GALNT13: variants seen among roughly 807,000 people sequenced by gnomAD.
GALNT13 encodes the protein UDP-GalNAc:polypeptide N-acetylgalactosaminyltransferase 13.
In GALNT13, 28 loss-of-function variants were observed where a neutral mutation model predicts 64.2. The ratio of observed to expected loss-of-function variants is 0.44; its 90% confidence interval spans 0.32 to 0.60. The LOEUF (loss-of-function observed/expected upper bound fraction) is 0.60, where lower values mean the gene tolerates loss of function less well. Among genes scored for constraint, GALNT13 ranks in the 20% least tolerant of loss-of-function variants. The pLI, the probability that GALNT13 is intolerant of heterozygous loss-of-function variation, is 0.05. For missense variants in GALNT13, 577 were observed against 669.8 expected (o/e 0.86, Z 1.53); for synonymous variants, 214 against 224.6 (o/e 0.95, Z 0.42).
At chr2:154,303,725 A>G (rs1336088407) in intron 9 of GALNT13, among the ~76,000 whole-genome samples, 1 of 152,032 alleles carries the variant, frequency 6.6e-6, no homozygotes, top group Non-Finnish European at 1.5e-5. Flanking sequence ...ACAAGAGAGG[A>G]AAAGGTCCAA....
At chr2:154,147,834 T>C (rs138745144) in intron 4 of GALNT13, among the ~76,000 whole-genome samples, 5 of 152,006 alleles carry the variant, frequency 3.3e-5, no homozygotes, top group Admixed American at 6.6e-5. Context: ...AAAGGGTTTT[T>C]AAAATATTAT....
the GALNT13 span, among the ~76,000 whole-genome samples, chr2:153,133,035 A>ATT: frequency 1.8e-3 from 236 of 129,372 alleles, no homozygotes; most frequent in African/African-American, 6.3e-3. Flanking sequence ...AACTGTGTTA[A>ATT]TTTTTTTTTT....
the GALNT13 span, among the ~76,000 whole-genome samples, chr2:153,862,974 T>C: frequency 2.6e-5 from 4 of 152,122 alleles, no homozygotes; most frequent in East Asian, 3.9e-4. Flanking sequence ...TCATTCTTTT[T>C]TCATTTAATG....
chr2:154,170,573 A>T (rs1239093381), intron 4 of GALNT13, among the ~76,000 whole-genome samples: 1 of 152,158 alleles, frequency 6.6e-6, no homozygotes, highest in Non-Finnish European at 1.5e-5. Context: ...TCCTAATATG[A>T]TTGCTTCTAC....
intron 12 of GALNT13, chr2:154,445,818 C>T (rs754183686): frequency 7.8e-7 from 1 of 1,288,366 alleles, no homozygotes; most frequent in South Asian, 1.2e-5. Flanking sequence ...TTAGTGTCTC[C>T]CAAGGGCAGG....
chr2:153,376,735 A>T, the GALNT13 span, among the ~76,000 whole-genome samples: 9 of 152,202 alleles, frequency 5.9e-5, no homozygotes. Flanking sequence ...AGCCTATGGA[A>T]TACATGCATA....
chr2:154,142,774 C>T lies in GALNT13; in HGVS notation c.311+2269C>T, dbSNP rs935869052. 4.0e-5 allele frequency among the ~76,000 whole-genome samples: 6 copies of T among 151,214 alleles called. No individual in the cohort carries two copies. The East Asian group carries it at 9.7e-4, about 25-fold the overall frequency. On this transcript the variant is annotated intron_variant, in intron 4 of 12. Transcript: ENST00000392825. ...TTCAACATTTAATATTAAATTTGTG[C>T]ATTGCAAATTATTATGTAAAAATAA...
chr2:153,645,169 A>C, the GALNT13 span, among the ~76,000 whole-genome samples: 1 of 152,140 alleles, frequency 6.6e-6, no homozygotes, highest in African/African-American at 2.4e-5. Context: ...AATATGAAGA[A>C]AAATACGCGC....
At chr2:153,497,513 T>TTC in the GALNT13 span, among the ~76,000 whole-genome samples, 1 of 140,200 alleles carries the variant, frequency 7.1e-6, no homozygotes, top group Admixed American at 7.7e-5. Context: ...TTCTTTACGT[T>TTC]TCTCCCGCAT....
chr2:153,149,365 T>C, the GALNT13 span, among the ~76,000 whole-genome samples: 1 of 151,806 alleles, frequency 6.6e-6, no homozygotes, highest in Non-Finnish European at 1.5e-5. Flanking sequence ...GTCTGCTTTC[T>C]TTTTTTCTGA....
intron 3 of GALNT13, among the ~76,000 whole-genome samples, chr2:154,023,340 G>A (rs1574354265): frequency 1.3e-5 from 2 of 152,114 alleles, no homozygotes; most frequent in Admixed American, 1.3e-4. Flanking sequence ...TCTCTTTGTA[G>A]GTCACTAAGG....
chr2:153,362,174 G>A, the GALNT13 span, among the ~76,000 whole-genome samples: 1 of 152,026 alleles, frequency 6.6e-6, no homozygotes, highest in African/African-American at 2.4e-5. Flanking sequence ...CAAATATAGG[G>A]GATTTTGTCA....
At chr2:154,176,768 GC>G (rs1685679300) in intron 4 of GALNT13, among the ~76,000 whole-genome samples, 2 of 152,104 alleles carry the variant, frequency 1.3e-5, no homozygotes, top group Admixed American at 1.3e-4. Flanking sequence ...CCCCTAAAAT[GC>G]TGATTTTTGA....
intron 4 of GALNT13, among the ~76,000 whole-genome samples, chr2:154,206,271 GA>G (rs1687447738): frequency 6.6e-6 from 1 of 151,766 alleles, no homozygotes; most frequent in Non-Finnish European, 1.5e-5. Flanking sequence ...AAAGTGCTGG[GA>G]TTACAGGCAT....
chr2:153,622,806 C>T, the GALNT13 span, among the ~76,000 whole-genome samples: 1 of 151,920 alleles, frequency 6.6e-6, no homozygotes, highest in South Asian at 2.1e-4. Context: ...CTATGTTTTG[C>T]TTTTATCTTT....
the GALNT13 span, among the ~76,000 whole-genome samples, chr2:153,502,681 G>C: frequency 1.3e-5 from 2 of 152,158 alleles, no homozygotes; most frequent in Non-Finnish European, 2.9e-5. Context: ...TTCCATAGTT[G>C]TACTAGGTTA....
At chr2:153,504,594 C>T in the GALNT13 span, among the ~76,000 whole-genome samples, 74 of 152,188 alleles carry the variant, frequency 4.9e-4, no homozygotes, top group East Asian at 0.012. Flanking sequence ...TAATCATAAA[C>T]GGATGCTGGA....
chr2:154,263,623 A>C (rs911023369), intron 8 of GALNT13, among the ~76,000 whole-genome samples: 1 of 152,196 alleles, frequency 6.6e-6, no homozygotes, highest in African/African-American at 2.4e-5. Flanking sequence ...AAATATATTA[A>C]ATTTTAAAAA....
chr2:153,723,659 A>G, the GALNT13 span, among the ~76,000 whole-genome samples: 1 of 152,084 alleles, frequency 6.6e-6, no homozygotes, highest in Non-Finnish European at 1.5e-5. Flanking sequence ...ATACACCAAC[A>G]ACAAACAAAC....
Sources: allele counts gnomAD v4.1 joint callset (sites outside exome capture counted in the v4.1 genomes callset), GRCh38; gene constraint gnomAD v4.1.1; transcripts MANE v1.5; gene names NCBI Gene and HGNC (gene_info 2026-07-23, HGNC 2026-07-21).